Variants in ENPP1 observed in about 807,000 individuals in gnomAD.
ENPP1 encodes the protein ectonucleotide pyrophosphatase/phosphodiesterase family member 1.
ENPP1 carries 73 observed loss-of-function variants against 122.8 expected under a neutral mutation model. That is an observed-to-expected ratio of 0.59 (90% CI 0.49 to 0.72). The LOEUF is 0.72. ENPP1 is among the 30% of genes least tolerant of loss of function. ENPP1 has a pLI of 0.00. For missense variants in ENPP1, 978 were observed against 1,128.1 expected, an observed-to-expected ratio of 0.87 and a Z score of 1.91; for synonymous variants, 367 against 391.6, an observed-to-expected ratio of 0.94 and a Z score of 0.74.
intron 24 of ENPP1, among the ~76,000 whole-genome samples, chr6:131,889,362 T>A (rs949554501): frequency 1.3e-5 from 2 of 152,154 alleles, no homozygotes; most frequent in Admixed American, 1.3e-4. Flanking sequence ...TTAGCTATTC[T>A]TTCTGATGCT....
chr6:131,871,735 G>A (rs892957670), intron 13 of ENPP1, among the ~76,000 whole-genome samples: 6 of 152,178 alleles, frequency 3.9e-5, no homozygotes, highest in African/African-American at 1.4e-4. Context: ...ATGGATATTG[G>A]TTACTAACTG....
At chr6:131,878,963 A>T (rs1782268383) in intron 19 of ENPP1, among the ~76,000 whole-genome samples, 1 of 152,224 alleles carries the variant, frequency 6.6e-6, no homozygotes, top group Admixed American at 6.5e-5. Flanking sequence ...ATACAAGGTT[A>T]TATATTGATT....
Position 131,808,235 on chromosome 6 carries a change from G to T in ENPP1, c.200G>T (p.Arg67Leu). Residue 67 changes from arginine (R) to leucine (L), a missense_variant, in exon 1 of 25, where the codon CGC (arginine) becomes CTC (leucine). This residue lies in a region of ENPP1 where 330 missense variants were observed against 328.5 expected (regional missense o/e 1.00). Transcript: ENST00000647893. The stretch of plus-strand genomic sequence containing the variant: ...CCGCTGGAGAAGGCGGCGCGCGCCC[G>T]CACTGCCAAGGACCCCAACACCTAT... ...EEPLEKAARA[R>L]TAKDPNTYKV... The T allele has an allele frequency of 6.6e-7, 1 of 1,516,318 alleles. No individual in the cohort carries two copies. The highest frequency in any genetic ancestry group is 8.8e-7 in the Non-Finnish European group (1 of 1,132,028). 93.9% of individuals were successfully genotyped at this position (1,516,318 alleles called of 1,614,324 possible).
chr6:131,876,202 C>T (rs764433667), intron 17 of ENPP1, among the ~76,000 whole-genome samples: 4 of 152,060 alleles, frequency 2.6e-5, no homozygotes, highest in Non-Finnish European at 5.9e-5. Flanking sequence ...AGATTGAGGG[C>T]AGTGAAAGGT....
chr6:131,871,643 C>T (rs556455624), intron 13 of ENPP1, among the ~76,000 whole-genome samples: 1 of 152,246 alleles, frequency 6.6e-6, no homozygotes, highest in South Asian at 2.1e-4. Context: ...AACAGCCTTA[C>T]AAAACACATA....
chr6:131,852,761 T>C (rs1269428792), intron 5 of ENPP1, among the ~76,000 whole-genome samples: 1 of 152,224 alleles, frequency 6.6e-6, no homozygotes, highest in East Asian at 1.9e-4. Flanking sequence ...ATTTGGAGTT[T>C]TTAGAGCTGC....
Position 131,808,115 on chromosome 6 carries a change from A to C in ENPP1, c.80A>C (p.Asn27Thr), listed in dbSNP as rs1781301917. Reference protein sequence around the residue: ...GRAPREGPAGNGRDRGRSHAA... With the variant: ...GRAPREGPAGTGRDRGRSHAA... Reference sequence around the variant, plus strand: ...GCTCCCCGGGAGGGCCCGGCGGGGAACGGCCGCGATCGGGGCCGCAGCCAC... The same window carrying C: ...GCTCCCCGGGAGGGCCCGGCGGGGACCGGCCGCGATCGGGGCCGCAGCCAC... Residue 27 changes from asparagine to threonine, a missense_variant, in exon 1 of 25, where the codon AAC becomes ACC. Asn to Thr is a moderately conservative substitution (Grantham distance 65). Around this residue, in one of 3 missense-constraint regions of ENPP1, gnomAD observed 330 missense variants for 328.5 expected, o/e 1.00. Coordinates refer to ENST00000647893, the MANE Select transcript of ENPP1 (RefSeq NM_006208.3). The C allele has an allele frequency of 8.0e-6, 10 of 1,245,638 alleles. No individual in the cohort carries two copies. The highest frequency in any genetic ancestry group is 5.5e-5 in the South Asian group (2 of 36,538). 77.2% of individuals were successfully genotyped at this position (1,245,638 alleles called of 1,614,324 possible).
At chr6:131,834,780 C>T (rs758719227) in intron 1 of ENPP1, among the ~76,000 whole-genome samples, 29 of 151,780 alleles carry the variant, frequency 1.9e-4, no homozygotes, top group Non-Finnish European at 3.4e-4. Context: ...AGGCTGGTCT[C>T]GAACTCCTGA....
chr6:131,867,985 G>A (rs1209752923), intron 11 of ENPP1, 33 bp from the exon 12 acceptor site: 1 of 1,286,030 alleles, frequency 7.8e-7, no homozygotes, highest in Non-Finnish European at 1.1e-6. Flanking sequence ...AGTGTGGAAG[G>A]TATCACATGA....
chr6:131,828,290 C>A, intron 1 of ENPP1: 2 of 531,880 alleles, frequency 3.8e-6, no homozygotes, highest in Non-Finnish European at 3.7e-6. Flanking sequence ...CTGGAGAGCT[C>A]CAGCCAGCAT....
At chr6:131,818,788 GA>G (rs1156368400) in intron 1 of ENPP1, among the ~76,000 whole-genome samples, 2 of 152,168 alleles carry the variant, frequency 1.3e-5, no homozygotes, top group African/African-American at 4.8e-5. Context: ...TTTTCTAGAG[GA>G]AAAGCAGCTG....
intron 1 of ENPP1, among the ~76,000 whole-genome samples, chr6:131,828,747 C>T (rs763549159): frequency 2.6e-5 from 4 of 152,220 alleles, no homozygotes; most frequent in South Asian, 2.1e-4. Flanking sequence ...TCCCGGGCCC[C>T]AGGCCCACAC....
At position 131,877,247 on chromosome 6, in the gene ENPP1, C is replaced by T. The variant is rs141533687; in HGVS notation, c.1893+86C>T. 2,115 of 1,341,298 alleles carry T rather than the reference C, an allele frequency of 1.6e-3. 30 individuals are homozygous for T. In the African/African-American group the frequency reaches 0.024, roughly 15 times the overall value. 83.1% of individuals were successfully genotyped at this position (1,341,298 alleles called of 1,614,324 possible). A position where few individuals can be genotyped will look rare whatever the true frequency, so the allele number is the denominator to read the frequency against. On this transcript the variant is annotated intron_variant, in intron 18 of 24. Transcript: ENST00000647893. The stretch of plus-strand genomic sequence containing the variant: ...ATGTGCTGTAAAAATACTTAATAAT[C>T]AAATTAGAATTTAGGAGTGGGGGTA...
chr6:131,860,846 C>T (rs913819924), intron 8 of ENPP1, among the ~76,000 whole-genome samples: 4 of 152,078 alleles, frequency 2.6e-5, no homozygotes, highest in Admixed American at 2.0e-4. Context: ...GTTTTATTTG[C>T]CTGTGCTAAT....
intron 13 of ENPP1, 39 bp from the exon 14 acceptor site, chr6:131,872,031 T>C: frequency 1.4e-6 from 2 of 1,433,636 alleles, no homozygotes; most frequent in Non-Finnish European, 2.0e-6. Flanking sequence ...AATTATAGTA[T>C]ACAATCAACT....
chr6:131,857,064 T>C (rs1781956671), intron 6 of ENPP1, among the ~76,000 whole-genome samples: 2 of 152,152 alleles, frequency 1.3e-5, no homozygotes. Context: ...GCATTGAATC[T>C]GTAAATTACC....
chr6:131,865,992 C>A (rs1782084879), intron 11 of ENPP1, among the ~76,000 whole-genome samples: 1 of 119,992 alleles, frequency 8.3e-6, no homozygotes. Flanking sequence ...GGGACTCTGT[C>A]TCAAAAAAAA....
Position 131,878,599 on chromosome 6 carries a change from G to A in ENPP1, c.1945+6G>A, listed in dbSNP as rs986958713. On this transcript the variant is annotated splice_donor_region_variant and intron_variant, in intron 19 of 24. Transcript: ENST00000647893. ...CAATCTGACTGTGGCAGAAGGTAAG[G>A]CATGCTACACACTCAAGCTCGGAAT... The A allele has an allele frequency of 6.2e-7, 1 of 1,607,732 alleles. No individual in the cohort carries two copies.
At chr6:131,833,338 T>G (rs886830926) in intron 1 of ENPP1, among the ~76,000 whole-genome samples, 4 of 152,346 alleles carry the variant, frequency 2.6e-5, no homozygotes, top group Admixed American at 2.0e-4. Flanking sequence ...TATTAGCTAT[T>G]TTCTTTAAAT....
Sources: gnomAD v4.1 joint callset for allele counts (sites outside exome capture counted in the v4.1 genomes callset) on GRCh38, gnomAD v4.1.1 for gene constraint, gnomAD v4.1.1 regional missense constraint, MANE v1.5 for transcripts, NCBI Gene and HGNC (gene_info 2026-07-23, HGNC 2026-07-21) for gene names.